Variants in PDZD2 observed in about 807,000 individuals in gnomAD.
PDZD2 encodes PDZ domain containing 2, also known as PDZ domain-containing protein 2.
A neutral mutation model predicts 220.7 loss-of-function variants in PDZD2; 90 were observed. The ratio of observed to expected loss-of-function variants is 0.41; its 90% CI spans 0.34 to 0.49. The LOEUF is 0.49. Ranked by LOEUF, PDZD2 falls within the 20% of genes least tolerant of loss-of-function variation. The probability of loss-of-function intolerance (pLI) is 0.28; values close to 1 mark genes in which losing one functional copy is unlikely to be tolerated. For missense variants in PDZD2, 3,174 were observed against 3,608.5 expected, an observed-to-expected ratio of 0.88 and a Z score of 3.08; for synonymous variants, 1,375 against 1,450.5, an observed-to-expected ratio of 0.95 and a Z score of 1.18.
chr5:31,811,083 C>A (rs1755084624), intron 2 of PDZD2, among the ~76,000 whole-genome samples: 1 of 152,166 alleles, frequency 6.6e-6, no homozygotes, highest in Admixed American at 6.5e-5. Flanking sequence ...CGCCTCCCGG[C>A]TTCAAGCAAT....
At chr5:31,974,209 G>A (rs1347137118) in intron 2 of PDZD2, among the ~76,000 whole-genome samples, 2 of 152,112 alleles carry the variant, frequency 1.3e-5, no homozygotes, top group East Asian at 1.9e-4. Flanking sequence ...TCTAACTCCC[G>A]ACCTCAGGTG....
chr5:31,969,644 G>A (rs1388067257), intron 2 of PDZD2, among the ~76,000 whole-genome samples: 1 of 151,796 alleles, frequency 6.6e-6, no homozygotes, highest in African/African-American at 2.4e-5. Flanking sequence ...TGGGCATGAG[G>A]GATCTTATTA....
chr5:31,997,369 T>A (rs1219470456), intron 4 of PDZD2, among the ~76,000 whole-genome samples: 1 of 152,188 alleles, frequency 6.6e-6, no homozygotes, highest in African/African-American at 2.4e-5. Flanking sequence ...CAAAGTCTTT[T>A]ATGCTCATCA....
At chr5:31,737,224 G>A (rs997554336) in intron 1 of PDZD2, among the ~76,000 whole-genome samples, 4 of 131,598 alleles carry the variant, frequency 3.0e-5, no homozygotes, top group African/African-American at 1.1e-4. Context: ...CCAGGCTGGA[G>A]TGCAGTGGCG....
At chr5:31,736,120 C>G (rs1331992464) in intron 1 of PDZD2, among the ~76,000 whole-genome samples, 2 of 152,146 alleles carry the variant, frequency 1.3e-5, no homozygotes, top group African/African-American at 2.4e-5. Context: ...TTTTGCTATG[C>G]AGTTTTCAGC....
intron 18 of PDZD2, among the ~76,000 whole-genome samples, chr5:32,076,444 C>A (rs890856515): frequency 1.3e-5 from 2 of 151,946 alleles, no homozygotes; most frequent in African/African-American, 4.8e-5. Flanking sequence ...GCATTTGAAA[C>A]TTGTACAAGA....
intron 2 of PDZD2, chr5:31,909,279 T>C (rs865826559): frequency 3.3e-5 from 5 of 152,572 alleles, no homozygotes; most frequent in Non-Finnish European, 7.3e-5. Context: ...AAAATGGGAA[T>C]GATGTCATCT....
Position 32,090,062 on chromosome 5 carries a change from G to A in PDZD2, c.6614G>A (p.Gly2205Asp), listed in dbSNP as rs1441105663. 1 of 1,613,508 alleles carries A rather than the reference G, an allele frequency of 6.2e-7. No individual in the cohort carries two copies. The highest frequency in any genetic ancestry group is 8.5e-7 in the Non-Finnish European group (1 of 1,179,848). The change falls in exon 20 of 25, where the codon GGC becomes GAC. Residue 2205 changes from glycine (G) to aspartate (D), a missense_variant. Around this residue, in one of 4 missense-constraint regions of PDZD2, gnomAD observed 1,861 missense variants for 2,001.0 expected, o/e 0.93. Transcript: ENST00000438447. The surrounding 1 kb of genome is among the most constrained non-coding windows in gnomAD (Gnocchi z 4.3). ...GTGCCCAGAAACAGCATTCCAGGGG[G>A]CCCCTCGGGGGAGGACCATCTCTAC... is the stretch of plus-strand genomic sequence containing the variant. ...RGVPRNSIPG[G>D]PSGEDHLYFT...
At chr5:31,948,970 G>A (rs779786280) in intron 2 of PDZD2, among the ~76,000 whole-genome samples, 6 of 151,826 alleles carry the variant, frequency 4.0e-5, no homozygotes, top group Non-Finnish European at 7.4e-5. Flanking sequence ...GTAGTGGCAA[G>A]CGCCTGTAAT....
At chr5:32,037,400 C>T in intron 7 of PDZD2, 58 bp downstream of exon 7, 1 of 977,466 alleles carries the variant, frequency 1.0e-6, no homozygotes, top group Non-Finnish European at 1.6e-6. Flanking sequence ...GCCTCAGGAG[C>T]AGGGAGATGA....
chr5:32,020,302 A>G (rs995257043), intron 6 of PDZD2, among the ~76,000 whole-genome samples: 2 of 152,066 alleles, frequency 1.3e-5, no homozygotes, highest in African/African-American at 4.8e-5. Context: ...CACCATGCCC[A>G]GCCAAAATAG....
chr5:31,911,585 G>A (rs568174380), intron 2 of PDZD2, among the ~76,000 whole-genome samples: 2 of 152,326 alleles, frequency 1.3e-5, no homozygotes, highest in South Asian at 4.1e-4. Context: ...ACTTCTGGCT[G>A]CAAACAACAG....
chr5:32,010,086 A>AAAAAAAAAAAAG (rs1370387543), intron 5 of PDZD2, among the ~76,000 whole-genome samples: 16 of 151,874 alleles, frequency 1.1e-4, no homozygotes, highest in African/African-American at 3.9e-4. Flanking sequence ...GACTGTCTCA[A>AAAAAAAAAAAAG]AAAAAAGAAA....
intron 2 of PDZD2, among the ~76,000 whole-genome samples, chr5:31,882,272 C>A (rs1246771124): frequency 6.6e-6 from 1 of 152,192 alleles, no homozygotes; most frequent in African/African-American, 2.4e-5. Flanking sequence ...ATAAGTGGCT[C>A]ACCTCCTTAA....
At chr5:31,874,319 A>G (rs1475926500) in intron 2 of PDZD2, among the ~76,000 whole-genome samples, 1 of 152,176 alleles carries the variant, frequency 6.6e-6, no homozygotes, top group African/African-American at 2.4e-5. Flanking sequence ...ATCAATCATC[A>G]CAGGTGAGAT....
At chr5:31,804,079 T>C (rs1754571456) in intron 2 of PDZD2, among the ~76,000 whole-genome samples, 1 of 151,368 alleles carries the variant, frequency 6.6e-6, no homozygotes, top group African/African-American at 2.4e-5. Flanking sequence ...TAAGAACATA[T>C]AATGAAAACG....
chr5:31,838,499 T>G (rs768226917), intron 2 of PDZD2, among the ~76,000 whole-genome samples: 25 of 152,236 alleles, frequency 1.6e-4, no homozygotes, highest in Non-Finnish European at 2.9e-5. Flanking sequence ...AACCTTCGTT[T>G]TCTACTTTGA....
chr5:32,097,534 G>A (rs1237621795), intron 22 of PDZD2, among the ~76,000 whole-genome samples, 154 bp downstream of exon 22: 4 of 152,192 alleles, frequency 2.6e-5, no homozygotes, highest in South Asian at 2.1e-4. Flanking sequence ...GAAGTAGTAC[G>A]TAAGGTTTTC....
rs1358663745 is a variant in PDZD2 at position 31,639,570 on chromosome 5, C to G, written c.-361+133C>G. The G allele has an allele frequency of 2.0e-5, 3 of 152,196 alleles. No homozygotes were observed. In the East Asian group the frequency reaches 5.8e-4, roughly 29 times the overall value. The allele number at this position is 152,196 out of a possible 1,614,324, so 9.4% of individuals were successfully genotyped here. ...AAATCCGGGTGCGGGAATCCCAGCCCTGGCAGGGCGGGGAGTGAGGACGCC... is the reference window on the plus strand; with the variant it reads ...AAATCCGGGTGCGGGAATCCCAGCCGTGGCAGGGCGGGGAGTGAGGACGCC... On this transcript the variant is annotated intron_variant, in intron 1 of 24. Transcript: ENST00000438447. The surrounding 1 kb of genome is among the most constrained non-coding windows in gnomAD (Gnocchi z 4.1).
Sources: gnomAD v4.1 joint callset for allele counts (sites outside exome capture counted in the v4.1 genomes callset) on GRCh38, gnomAD v4.1.1 for gene constraint, gnomAD v4.1.1 regional missense constraint, Gnocchi (gnomAD v3.1) non-coding constraint, MANE v1.5 for transcripts, NCBI Gene and HGNC (gene_info 2026-07-23, HGNC 2026-07-21) for gene names.